Variants in CTNNA3 observed in about 807,000 individuals in gnomAD.
CTNNA3 encodes the protein catenin alpha 3, also known as catenin alpha-3.
Under a neutral mutation model 95.7 loss-of-function variants are expected in CTNNA3, and 76 were observed. The ratio of observed to expected loss-of-function variants is 0.79; its 90% CI spans 0.66 to 0.96. The LOEUF is 0.96. Among genes scored for constraint, CTNNA3 ranks in the 40% least tolerant of loss-of-function variants. The pLI is 0.00. For synonymous variants in CTNNA3, 431 were observed against 374.4 expected, an observed-to-expected ratio of 1.15 and a Z score of -1.74; for missense variants, 1,191 against 1,089.8, an observed-to-expected ratio of 1.09 and a Z score of -1.31.
chr10:67,663,307 T>TA (rs1008114584), intron 1 of CTNNA3, among the ~76,000 whole-genome samples: 14 of 151,562 alleles, frequency 9.2e-5, no homozygotes, highest in African/African-American at 2.7e-4. Context: ...TGTACTGCTT[T>TA]AAAAAAAAAT....
intron 5 of CTNNA3, among the ~76,000 whole-genome samples, chr10:67,360,416 G>GAAAAA (rs74859730): frequency 1.0e-5 from 1 of 99,300 alleles, no homozygotes. Context: ...GAGCAAGCAG[G>GAAAAA]AAAAAAAAAA....
intron 7 of CTNNA3, among the ~76,000 whole-genome samples, chr10:66,883,254 C>G (rs1266537259): frequency 6.6e-6 from 1 of 152,112 alleles, no homozygotes; most frequent in African/African-American, 2.4e-5. Context: ...GATCCAGGAC[C>G]TTACGTGGAC....
At chr10:67,035,010 A>C (rs995336029) in intron 7 of CTNNA3, among the ~76,000 whole-genome samples, 1 of 152,196 alleles carries the variant, frequency 6.6e-6, no homozygotes, top group African/African-American at 2.4e-5. Flanking sequence ...CACTTATTTC[A>C]AGAAGCCCTT....
At chr10:67,172,978 A>G (rs1589821335) in intron 7 of CTNNA3, among the ~76,000 whole-genome samples, 1 of 86,058 alleles carries the variant, frequency 1.2e-5, no homozygotes, top group Non-Finnish European at 2.0e-5. Flanking sequence ...CCATCTCAGG[A>G]AAAAAAAAAA....
rs60709020 is a variant in CTNNA3, at chr10:66,331,342, G to GTT, written c.1732+47808_1732+47809dup. ...ATATGGACTCCTTTCCCCATTGTTT[G>GTT]TTTTTTTTTTTTTTTTTTTTTTTTT... On this transcript the variant is annotated intron_variant, in intron 12 of 17. Transcript: ENST00000433211. Among the ~76,000 whole-genome samples the GTT allele has an allele frequency of 9.6e-4, 77 of 80,326 alleles. 3 individuals are homozygous for GTT. The highest frequency in any genetic ancestry group is 2.3e-3 in the Admixed American group (15 of 6,392). 52.7% of individuals were successfully genotyped at this position (80,326 alleles called of 152,430 possible). A position where few individuals can be genotyped will look rare whatever the true frequency, so the allele number is the denominator to read the frequency against.
In CTNNA3 at chr10:66,091,561, TC is replaced by T. The variant is rs1332782624; in HGVS notation, c.1977+11595del. On this transcript the variant is annotated intron_variant, in intron 14 of 17. Transcript: ENST00000433211. ...AAAAAGAACATTAAAACTGTTGCCT[TC>T]ATTGAATTTGCTATCTAATAGGGAG... is the stretch of plus-strand genomic sequence containing the variant. Among the ~76,000 whole-genome samples the T allele has an allele frequency of 9.9e-5, 15 of 151,958 alleles. 1 individual carries two copies. The highest frequency in any genetic ancestry group is 9.9e-4 in the Admixed American group (15 of 15,200).
chr10:66,581,640 C>A (rs1843192579), intron 10 of CTNNA3, among the ~76,000 whole-genome samples: 1 of 151,402 alleles, frequency 6.6e-6, no homozygotes, highest in Non-Finnish European at 1.5e-5. Context: ...TGTGAAGAAG[C>A]TTTTTAGTTT....
chr10:66,344,226 CA>C (rs71035122), intron 12 of CTNNA3, among the ~76,000 whole-genome samples: 45 of 139,802 alleles, frequency 3.2e-4, no homozygotes, highest in South Asian at 2.4e-4. Context: ...GACTCCATCT[CA>C]AAAAAAAAAA....
chr10:66,351,536 T>C (rs2092566893), intron 12 of CTNNA3, among the ~76,000 whole-genome samples: 1 of 152,080 alleles, frequency 6.6e-6, no homozygotes. Context: ...GATTGCTTAA[T>C]GAGATTCATA....
At chr10:67,109,837 A>C (rs2394338) in intron 7 of CTNNA3, among the ~76,000 whole-genome samples, 86,189 of 152,050 alleles carry the variant, frequency 0.57, 26,182 homozygotes, top group African/African-American at 0.8. Flanking sequence ...AGAGAGACTC[A>C]ATCTCAAAAA....
rs144510092 is a variant in CTNNA3 at position 67,666,363 on chromosome 10, T to C, written c.-5-18845A>G. ...ACGTATTTTCCCCCTACTGCATTCCTTCCCTATGACCTACTTCATGATTAA... is the reference window on the plus strand; with the variant it reads ...ACGTATTTTCCCCCTACTGCATTCCCTCCCTATGACCTACTTCATGATTAA... On this transcript the variant is annotated intron_variant, in intron 1 of 17. Transcript: ENST00000433211. 6.9e-3 allele frequency among the ~76,000 whole-genome samples: 1,045 copies of C among 152,306 alleles called. 18 individuals carry two copies. Among genetic ancestry groups the C allele is most frequent in the African/African-American group, 0.024 (994 of 41,570 alleles).
intron 7 of CTNNA3, among the ~76,000 whole-genome samples, chr10:67,051,189 T>G (rs1374819651): frequency 6.6e-6 from 1 of 152,212 alleles, no homozygotes; most frequent in African/African-American, 2.4e-5. Flanking sequence ...CTGGGTGAAT[T>G]ATTATTCCTC....
At chr10:67,279,157 G>A (rs1839298244) in intron 5 of CTNNA3, among the ~76,000 whole-genome samples, 1 of 152,014 alleles carries the variant, frequency 6.6e-6, no homozygotes, top group Non-Finnish European at 1.5e-5. Flanking sequence ...CAAATACATC[G>A]AGTCAGTCAT....
intron 3 of CTNNA3, among the ~76,000 whole-genome samples, chr10:67,579,030 TATAC>T (rs1383566710): frequency 0.011 from 929 of 82,994 alleles, 2 homozygotes; most frequent in African/African-American, 0.015. Flanking sequence ...TATATATATA[TATAC>T]ACACACACAC....
rs1270785659 is a variant in CTNNA3, at chr10:67,198,250, A to G, written c.844-17730T>C. Among the ~76,000 whole-genome samples, 6 of 152,022 alleles carry G rather than the reference A, an allele frequency of 3.9e-5. No individual in the cohort carries two copies. The East Asian group carries it at 1.2e-3, about 29-fold the overall frequency. ...TATCCTTTAGGTATCTAGGTGGTTG[A>G]TGGTTGATTGATTGTGATTAAAAGC... On this transcript the variant is annotated intron_variant, in intron 6 of 17. Coordinates refer to ENST00000433211, the MANE Select transcript of CTNNA3 (RefSeq NM_013266.4).
intron 13 of CTNNA3, among the ~76,000 whole-genome samples, chr10:66,107,576 A>G (rs1001251186): frequency 3.3e-5 from 5 of 152,186 alleles, no homozygotes; most frequent in African/African-American, 9.6e-5. Flanking sequence ...CCAGGACAGC[A>G]ATGACATAGT....
intron 11 of CTNNA3, among the ~76,000 whole-genome samples, chr10:66,502,520 C>T (rs1297665033): frequency 1.3e-5 from 2 of 152,056 alleles, no homozygotes; most frequent in South Asian, 2.1e-4. Flanking sequence ...CCTATATGAA[C>T]TCTTCCTCAG....
intron 13 of CTNNA3, among the ~76,000 whole-genome samples, chr10:66,258,147 C>G (rs1239048882): frequency 6.6e-6 from 1 of 152,194 alleles, no homozygotes; most frequent in Non-Finnish European, 1.5e-5. Flanking sequence ...GCAATCTACT[C>G]CCTTATGTGG....
At position 67,736,977 on chromosome 10, in the gene CTNNA3, T is replaced by G. The variant is rs565918577; in HGVS notation, c.-2+26457A>C. Among the ~76,000 whole-genome samples, 405 of 151,926 alleles carry G rather than the reference T, an allele frequency of 2.7e-3. 1 individual carries two copies. Among genetic ancestry groups the G allele is most frequent in the Admixed American group, 0.014 (221 of 15,254 alleles). ...GTACCTTTTTATTTTAATTTTTTTTTGGGGGGGACAGCGTCTCACACTGTC... is the reference window on the plus strand; with the variant it reads ...GTACCTTTTTATTTTAATTTTTTTTGGGGGGGGACAGCGTCTCACACTGTC... On this transcript the variant is annotated intron_variant, in intron 1 of 17. Coordinates refer to the CTNNA3 transcript ENST00000684154.
Sources: gnomAD v4.1 joint callset for allele counts (sites outside exome capture counted in the v4.1 genomes callset) on GRCh38, gnomAD v4.1.1 for gene constraint, MANE v1.5 for transcripts, NCBI Gene and HGNC (gene_info 2026-07-23, HGNC 2026-07-21) for gene names.